APP: variants seen among roughly 807,000 people sequenced by gnomAD.
APP encodes the protein amyloid beta precursor protein, also known as amyloid-beta precursor protein.
In APP, 31 loss-of-function variants were observed where a neutral mutation model predicts 101.4. The ratio of observed to expected loss-of-function variants is 0.31; its 90% CI spans 0.23 to 0.41. APP has a LOEUF of 0.41. Ranked by LOEUF, APP falls within the 10% of genes least tolerant of loss-of-function variation. APP has a pLI of 1.00. For synonymous variants in APP, 366 were observed against 364.4 expected, an observed-to-expected ratio of 1.00 and a Z score of -0.05; for missense variants, 839 against 1,003.7, an observed-to-expected ratio of 0.84 and a Z score of 2.22.
chr21:25,983,099 T>C (rs887447734), intron 8 of APP, among the ~76,000 whole-genome samples: 1 of 152,216 alleles, frequency 6.6e-6, no homozygotes, highest in African/African-American at 2.4e-5. Flanking sequence ...AATGAATTCA[T>C]TATGCTAGTT....
chr21:26,010,116 C>A (rs531467789), intron 6 of APP, among the ~76,000 whole-genome samples: 1 of 151,516 alleles, frequency 6.6e-6, no homozygotes, highest in Non-Finnish European at 1.5e-5. Flanking sequence ...CTACAGATTC[C>A]AGCTGGGAAC....
intron 8 of APP, among the ~76,000 whole-genome samples, chr21:25,993,968 CAT>C (rs2042961508): frequency 1.3e-5 from 2 of 152,188 alleles, no homozygotes; most frequent in South Asian, 2.1e-4. Context: ...GTTTGTACCA[CAT>C]GTCAGCGCAA....
chr21:26,016,657 C>T (rs926389430), intron 6 of APP, among the ~76,000 whole-genome samples: 1 of 151,998 alleles, frequency 6.6e-6, no homozygotes. Flanking sequence ...CTGCAACCTC[C>T]GCCTCCTAGG....
At chr21:26,161,891 C>T (rs1054565368) in intron 1 of APP, among the ~76,000 whole-genome samples, 6 of 151,694 alleles carry the variant, frequency 4.0e-5, no homozygotes, top group Admixed American at 3.3e-4. Context: ...GTTTTAAAGG[C>T]TTAATCTTTG....
In APP at chr21:26,000,076, A is replaced by G. The variant is rs2043225559; in HGVS notation, c.972T>C (p.Cys324=). The G allele has an allele frequency of 6.2e-7, 1 of 1,614,048 alleles. No individual in the cohort carries two copies. Among genetic ancestry groups the G allele is most frequent in the Admixed American group, 1.7e-5 (1 of 60,008 alleles). The stretch of plus-strand genomic sequence containing the variant: ...TGTCAAAGTTGTTCCGGTTGCCGCC[A>G]CATCCGCCGTAAAAGAATGGGGCAC... ...GKCAPFFYGG[C]GGNRNNFDTE... Residue 324 remains cysteine (C), a synonymous_variant, in exon 7 of 18, where the codon TGT becomes TGC. Coordinates refer to ENST00000346798, the MANE Select transcript of APP (RefSeq NM_000484.4).
chr21:25,955,079 C>A (rs183334991), intron 12 of APP, among the ~76,000 whole-genome samples: 2 of 152,120 alleles, frequency 1.3e-5, no homozygotes, highest in East Asian at 1.9e-4. Flanking sequence ...AAATACATTT[C>A]TTTGCAAATT....
intron 5 of APP, among the ~76,000 whole-genome samples, chr21:26,036,069 G>A (rs558753977): frequency 1.2e-4 from 19 of 152,118 alleles, no homozygotes; most frequent in Non-Finnish European, 2.6e-4. Flanking sequence ...CTGGCCTAGA[G>A]AAATAAACCT....
chr21:26,032,760 AC>A (rs1458878725), intron 5 of APP, among the ~76,000 whole-genome samples: 1 of 149,814 alleles, frequency 6.7e-6, no homozygotes, highest in East Asian at 2.0e-4. Context: ...TTTGTTTTTC[AC>A]AGGTAATGTT....
At chr21:26,158,520 T>C (rs1253263354) in intron 1 of APP, among the ~76,000 whole-genome samples, 1 of 152,198 alleles carries the variant, frequency 6.6e-6, no homozygotes, top group Non-Finnish European at 1.5e-5. Context: ...GGTGTCACTA[T>C]CTGGCCCATG....
intron 2 of APP, among the ~76,000 whole-genome samples, chr21:26,103,473 AC>A (rs1402171447): frequency 0.013 from 2 of 154 alleles, no homozygotes; most frequent in African/African-American, 0.056. Context: ...GGTGGCGTGC[AC>A]CTTGTAATCC....
chr21:25,897,840 A>G (rs1319634220), intron 15 of APP, 167 bp from the exon 16 acceptor site: 3 of 631,688 alleles, frequency 4.7e-6, no homozygotes, highest in East Asian at 5.5e-5. Context: ...TAAAACTTCA[A>G]TTACTACCTA....
At chr21:25,927,275 C>A (rs2039941986) in intron 13 of APP, among the ~76,000 whole-genome samples, 1 of 152,090 alleles carries the variant, frequency 6.6e-6, no homozygotes, top group Non-Finnish European at 1.5e-5. Flanking sequence ...ACTTTCCTCC[C>A]AGAACACTCT....
At chr21:25,914,462 T>C (rs2039239450) in intron 13 of APP, among the ~76,000 whole-genome samples, 2 of 148,182 alleles carry the variant, frequency 1.3e-5, no homozygotes, top group African/African-American at 5.0e-5. Context: ...CTAAAAGGGC[T>C]AGAGGAAACC....
chr21:25,898,022 TGTTTA>T, intron 15 of APP: 1 of 316,362 alleles, frequency 3.2e-6, no homozygotes, highest in Non-Finnish European at 5.9e-6. Flanking sequence ...ACGGGCTTAT[TGTTTA>T]GCCTATTATG....
At chr21:26,074,306 C>T (rs974202688) in intron 3 of APP, among the ~76,000 whole-genome samples, 18 of 152,286 alleles carry the variant, frequency 1.2e-4, no homozygotes, top group Admixed American at 1.3e-4. Flanking sequence ...ACGCCACATT[C>T]ATGTAATCAC....
chr21:25,916,513 T>C (rs893283803), intron 13 of APP, among the ~76,000 whole-genome samples: 2 of 152,242 alleles, frequency 1.3e-5, no homozygotes, highest in Admixed American at 1.3e-4. Flanking sequence ...CTTTCATTGT[T>C]CATTCTGAGT....
chr21:26,092,249 C>CA (rs1323223654), intron 2 of APP, among the ~76,000 whole-genome samples: 7 of 151,928 alleles, frequency 4.6e-5, no homozygotes, highest in Admixed American at 3.9e-4. Flanking sequence ...TCCCAGACCC[C>CA]AAAAAAATCA....
At chr21:26,116,840 T>C (rs1568994625) in intron 1 of APP, among the ~76,000 whole-genome samples, 1 of 152,200 alleles carries the variant, frequency 6.6e-6, no homozygotes, top group Non-Finnish European at 1.5e-5. Context: ...ATTTGGTACT[T>C]TTTAATCAGT....
intron 13 of APP, chr21:25,942,133 G>A (rs2040600726): frequency 1.3e-5 from 2 of 152,180 alleles, no homozygotes; most frequent in Admixed American, 6.5e-5. Context: ...ATATTTAAGG[G>A]TGTGGAGTCT....
Sources: gnomAD v4.1 joint callset for allele counts (sites outside exome capture counted in the v4.1 genomes callset) on GRCh38, gnomAD v4.1.1 for gene constraint, MANE v1.5 for transcripts, NCBI Gene and HGNC (gene_info 2026-07-23, HGNC 2026-07-21) for gene names.